SCLY: variants seen among roughly 807,000 people sequenced by gnomAD.
The protein encoded by SCLY is putative selenocysteine lyase.
SCLY carries 38 observed loss-of-function variants against 50.1 expected under a neutral mutation model. That is an observed-to-expected ratio of 0.76 (90% CI 0.59 to 0.99). SCLY has a LOEUF of 0.99. Among genes scored for constraint, SCLY ranks in the 50% least tolerant of loss-of-function variants. The pLI is 0.00. For synonymous variants in SCLY, 243 were observed against 249.4 expected, an observed-to-expected ratio of 0.97 and a Z score of 0.24; for missense variants, 600 against 620.0, an observed-to-expected ratio of 0.97 and a Z score of 0.34.
At chr2:238,065,660 T>TTTATTATTA (rs61131460) in intron 2 of SCLY, among the ~76,000 whole-genome samples, 35,253 of 143,112 alleles carry the variant, frequency 0.25, 4,471 homozygotes, top group East Asian at 0.38. Context: ...AATATTTTAT[T>TTTATTATTA]TTATTATTAT....
At chr2:238,098,009 T>G (rs11682046) in intron 11 of SCLY, among the ~76,000 whole-genome samples, 193 bp from the exon 12 acceptor site, 4 of 152,022 alleles carry the variant, frequency 2.6e-5, no homozygotes, top group Non-Finnish European at 5.9e-5. Flanking sequence ...GGGGCGACTT[T>G]GAGCCACACC....
chr2:238,083,366 AG>A lies in SCLY; in HGVS notation c.884+13del. 1 of 1,547,544 alleles carries A rather than the reference AG, an allele frequency of 6.5e-7. No individual in the cohort carries two copies. Among genetic ancestry groups the A allele is most frequent in the Non-Finnish European group, 8.9e-7 (1 of 1,119,274 alleles). On this transcript the variant is annotated intron_variant, in intron 7 of 11. Transcript: ENST00000254663. The surrounding 1 kb of genome is among the most constrained non-coding windows in gnomAD (Gnocchi z 4.3). ...AATTTCAGGCCAGGGTAAGGCAGAA[AG>A]TTAACAAAGTCTCTGACCTACTGAC...
In SCLY at chr2:238,098,242, G is replaced by A. The variant is rs752737625; in HGVS notation, c.1225G>A (p.Val409Met). The A allele has an allele frequency of 1.2e-6, 2 of 1,610,294 alleles. No individual in the cohort carries two copies. The highest frequency in any genetic ancestry group is 2.2e-5 in the East Asian group (1 of 44,832). The change falls in exon 12 of 12, where the codon GTG (valine) becomes ATG (methionine). Residue 409 changes from valine (V) to methionine (M), a missense_variant. Transcript: ENST00000254663. ...GCTGAGCTACGGTGTCCCCTTCGAC[G>A]TGGCCAGGAACGCGCTCCGGCTCAG... ...VLLSYGVPFD[V>M]ARNALRLSVG... is the part of the protein sequence containing the mutation.
chr2:238,090,667 AT>A (rs900650640), intron 7 of SCLY, among the ~76,000 whole-genome samples: 49 of 151,880 alleles, frequency 3.2e-4, no homozygotes, highest in African/African-American at 9.4e-4. Flanking sequence ...TATTAAGTTA[AT>A]TTTTTTTTCC....
intron 7 of SCLY, among the ~76,000 whole-genome samples, chr2:238,089,540 T>C (rs2065340308): frequency 6.6e-6 from 1 of 152,158 alleles, no homozygotes; most frequent in South Asian, 2.1e-4. Flanking sequence ...TACACCAAGC[T>C]TGTCCAACCT....
rs375812360 is a variant in SCLY, at chr2:238,068,095, C to G, written c.233C>G (p.Ala78Gly). The G allele has an allele frequency of 4.3e-6, 7 of 1,612,672 alleles. No homozygotes were observed. The highest frequency in any genetic ancestry group is 5.9e-6 in the Non-Finnish European group (7 of 1,179,532). ...GRKAKDIINA[A>G]RESLAKMIGG... ...AAGGCCAAGGATATTATAAATGCAG[C>G]TCGGGAAAGCCTCGCGAAGATGATA... The change falls in exon 3 of 12, where the codon GCT (alanine) becomes GGT (glycine). Residue 78 changes from alanine to glycine, a missense_variant. Coordinates refer to ENST00000254663, the MANE Select transcript of SCLY (RefSeq NM_016510.7).
intron 8 of SCLY, chr2:238,091,528 AAGTG>A: frequency 2.1e-6 from 1 of 466,974 alleles, no homozygotes; most frequent in Admixed American, 3.4e-5. Context: ...AGCAGAGGTG[AAGTG>A]TCAAGCTGCA....
intron 2 of SCLY, among the ~76,000 whole-genome samples, chr2:238,065,601 AT>A (rs1389062115): frequency 2.0e-5 from 3 of 151,080 alleles, no homozygotes; most frequent in African/African-American, 7.3e-5. Flanking sequence ...AAAAAAATCA[AT>A]TTATAGAGTG....
rs772254976 is a variant in SCLY at position 238,082,138 on chromosome 2, C to T, written c.706C>T (p.Gln236Ter). The T allele has an allele frequency of 3.1e-6, 5 of 1,612,908 alleles. No individual in the cohort carries two copies. The Admixed American group carries it at 5.0e-5, about 16-fold the overall frequency. ...CATCCTCGTGCACACGGATGCTGCA[C>T]AGGCCTTGGGGAAGCAGCGCGTGGA... Reference protein sequence around the residue: ...PPILVHTDAAQALGKQRVDVE... With the variant: ...PPILVHTDAA The change falls in exon 6 of 12, where the codon CAG becomes TAG. Residue 236 changes from glutamine (Q) to a stop codon, truncating the protein, a stop_gained. Transcript: ENST00000254663. LOFTEE classifies it high-confidence loss of function.
rs2065049346 is a variant in SCLY at position 238,064,416 on chromosome 2, T to C, written c.149T>C (p.Met50Thr). The C allele has an allele frequency of 6.2e-7, 1 of 1,612,082 alleles. No individual in the cohort carries two copies. The highest frequency in any genetic ancestry group is 8.5e-7 in the Non-Finnish European group (1 of 1,179,278). The part of the protein sequence containing the change: ...TPLEPEVIQA[M>T]TKAMWEAWGN... ...CTGGAGCCAGAAGTTATCCAGGCCA[T>C]GACCAAGGCCATGTGGGAAGCCTGG... is the stretch of plus-strand genomic sequence containing the variant. The change falls in exon 2 of 12, where the codon ATG becomes ACG. Residue 50 changes from methionine to threonine, a missense_variant. Physicochemically the swap from Met to Thr is moderately conservative, Grantham distance 81. Transcript: ENST00000254663.
At chr2:238,096,766 G>C in intron 10 of SCLY, 35 bp from the exon 11 acceptor site, 1 of 1,587,042 alleles carries the variant, frequency 6.3e-7, no homozygotes, top group Non-Finnish European at 8.6e-7. Flanking sequence ...CCTGGCTGGA[G>C]CCCCATCTCA....
Position 238,081,954 on chromosome 2 carries a change from A to C in SCLY, c.613-91A>C. On this transcript the variant is annotated intron_variant, in intron 5 of 11. Coordinates refer to ENST00000254663, the MANE Select transcript of SCLY (RefSeq NM_016510.7). ...TCCCGTTTCTCTGTTCACTTTGATA[A>C]CATTTGGCCTGCGCTCACTACTCCT... 6.4e-6 allele frequency: 10 copies of C among 1,574,092 alleles called. No homozygotes were observed. In the South Asian group the frequency reaches 1.1e-4, roughly 17 times the overall value.
intron 6 of SCLY, chr2:238,082,674 T>C (rs1318525383): frequency 5.4e-6 from 1 of 183,488 alleles, no homozygotes; most frequent in Non-Finnish European, 1.2e-5. Flanking sequence ...ATGGGGAAAA[T>C]AGTTAACAGT....
intron 4 of SCLY, among the ~76,000 whole-genome samples, chr2:238,071,758 C>T (rs2065130078): frequency 6.6e-6 from 1 of 152,194 alleles, no homozygotes; most frequent in Non-Finnish European, 1.5e-5. Flanking sequence ...ACCTAACCCC[C>T]AGTTCTTGGT....
chr2:238,081,681 C>T lies in SCLY; in HGVS notation c.485-28C>T, dbSNP rs3739051. ...TTGAGAGGAATCAATTTGTGCAGCTCAGTTCGGTACTCATGTTTGTTTCCC... is the reference window on the plus strand; with the variant it reads ...TTGAGAGGAATCAATTTGTGCAGCTTAGTTCGGTACTCATGTTTGTTTCCC... On this transcript the variant is annotated intron_variant, in intron 4 of 11. Transcript: ENST00000254663. 14,634 of 1,604,826 alleles carry T rather than the reference C, an allele frequency of 9.1e-3. 615 individuals carry two copies. The East Asian group carries it at 0.11, about 12-fold the overall frequency.
intron 4 of SCLY, among the ~76,000 whole-genome samples, chr2:238,073,218 A>G (rs915710517): frequency 2.0e-5 from 3 of 152,144 alleles, no homozygotes; most frequent in Non-Finnish European, 4.4e-5. Flanking sequence ...ATTTACCTGT[A>G]TTTCTGTTCT....
At chr2:238,098,158 A>G in intron 11 of SCLY, 44 bp from the exon 12 acceptor site, 1 of 1,593,730 alleles carries the variant, frequency 6.3e-7, no homozygotes, top group Non-Finnish European at 8.5e-7. Flanking sequence ...TGTCTCTTCC[A>G]TGTGCCCTCA....
intron 9 of SCLY, chr2:238,094,176 A>G: frequency 1.6e-6 from 1 of 612,252 alleles, no homozygotes. Flanking sequence ...GAGACACAGG[A>G]TCAAATATGC....
At position 238,061,810 on chromosome 2, in the gene SCLY, G is replaced by A. The variant is rs982293071; in HGVS notation, c.89+667G>A. Among the ~76,000 whole-genome samples, 11 of 152,208 alleles carry A rather than the reference G, an allele frequency of 7.2e-5. 1 individual carries two copies. The highest frequency in any genetic ancestry group is 3.9e-4 in the Admixed American group (6 of 15,286). On this transcript the variant is annotated intron_variant, in intron 1 of 11. Coordinates refer to ENST00000254663, the MANE Select transcript of SCLY (RefSeq NM_016510.7). ...GATGGCCACCGCTGAGAAGCGCGGA[G>A]ACCCGAAGCACGTGGTATCCATACT...
Sources: gnomAD v4.1 joint callset for allele counts (sites outside exome capture counted in the v4.1 genomes callset) on GRCh38, gnomAD v4.1.1 for gene constraint, Gnocchi (gnomAD v3.1) non-coding constraint, MANE v1.5 for transcripts, NCBI Gene and HGNC (gene_info 2026-07-23, HGNC 2026-07-21) for gene names.